INSR: variants seen among roughly 807,000 people sequenced by gnomAD.
INSR encodes the protein insulin receptor.
INSR carries 67 observed loss-of-function variants against 142.6 expected under a neutral mutation model. The ratio of observed to expected loss-of-function variants is 0.47; its 90% CI spans 0.39 to 0.58. The LOEUF is 0.58. Ranked by LOEUF, INSR falls within the 20% of genes least tolerant of loss-of-function variation. INSR has a pLI of 0.00. For synonymous variants in INSR, 756 were observed against 743.1 expected (o/e 1.02, Z -0.28); for missense variants, 1,248 against 1,833.2 (o/e 0.68, Z 5.83).
At chr19:7,227,896 C>G (rs1975839700) in intron 2 of INSR, among the ~76,000 whole-genome samples, 1 of 151,956 alleles carries the variant, frequency 6.6e-6, no homozygotes, top group Admixed American at 6.6e-5. Flanking sequence ...TCTTAACATA[C>G]CAGAAACAAG....
chr19:7,132,309 A>G lies in INSR; in HGVS notation c.2691T>C (p.His897=). Residue 897 remains histidine (H), a synonymous_variant, in exon 14 of 22, where the codon CAT becomes CAC. Coordinates refer to ENST00000302850, the MANE Select transcript of INSR (RefSeq NM_000208.4). ...SYRRYGDEEL[H]LCVSRKHFAL... ...CGAAGTGCTTGCGGGAGACGCAGAG[A>G]TGCAGCTCCTGGGAGGAAGAGAGGA... 6.2e-7 allele frequency: 1 copy of G among 1,614,014 alleles called. No individual in the cohort carries two copies. The highest frequency in any genetic ancestry group is 8.5e-7 in the Non-Finnish European group (1 of 1,179,990).
chr19:7,186,466 A>T (rs974397754), intron 2 of INSR, among the ~76,000 whole-genome samples: 1 of 150,028 alleles, frequency 6.7e-6, no homozygotes, highest in Admixed American at 6.7e-5. Context: ...AGGAAATCCA[A>T]TTTTTTTTTT....
At chr19:7,251,242 A>G (rs930140277) in intron 2 of INSR, among the ~76,000 whole-genome samples, 1 of 151,942 alleles carries the variant, frequency 6.6e-6, no homozygotes, top group Non-Finnish European at 1.5e-5. Context: ...AGACCCAAAC[A>G]AACACATCAA....
intron 2 of INSR, among the ~76,000 whole-genome samples, chr19:7,242,601 G>A (rs1386875879): frequency 6.6e-6 from 1 of 151,582 alleles, no homozygotes; most frequent in African/African-American, 2.4e-5. Flanking sequence ...AGCCAGGTGT[G>A]GTGTGGGCGC....
intron 2 of INSR, among the ~76,000 whole-genome samples, chr19:7,259,123 T>TCC (rs1483586361): frequency 1.0e-5 from 1 of 97,282 alleles, no homozygotes; most frequent in Non-Finnish European, 2.2e-5. Flanking sequence ...TTTCTTTCCT[T>TCC]TTATTTCTTC....
chr19:7,250,521 AAGGGAGAGGG>A (rs1976690975), intron 2 of INSR, among the ~76,000 whole-genome samples: 1 of 135,772 alleles, frequency 7.4e-6, no homozygotes, highest in South Asian at 2.5e-4. Context: ...TAAAGGGAGG[AAGGGAGAGGG>A]AGGGAGAGAA....
At position 7,240,585 on chromosome 19, in the gene INSR, A is replaced by G. The variant is rs532648024; in HGVS notation, c.652+26760T>C. ...ACTCGTTGTCAAATACAAATAAATA[A>G]ATAAATAGATTTAAAGAACAACTGA... On this transcript the variant is annotated intron_variant, in intron 2 of 21. Transcript: ENST00000302850. 1.7e-3 allele frequency among the ~76,000 whole-genome samples: 254 copies of G among 152,314 alleles called. 1 individual carries two copies. Among genetic ancestry groups the G allele is most frequent in the African/African-American group, 5.5e-3 (229 of 41,566 alleles).
intron 2 of INSR, among the ~76,000 whole-genome samples, chr19:7,196,410 A>C (rs1341233508): frequency 6.6e-6 from 1 of 152,180 alleles, no homozygotes; most frequent in East Asian, 1.9e-4. Flanking sequence ...ATTGATCTAG[A>C]TATAATCTTG....
At chr19:7,224,725 G>C (rs944340563) in intron 2 of INSR, among the ~76,000 whole-genome samples, 4 of 152,248 alleles carry the variant, frequency 2.6e-5, no homozygotes, top group African/African-American at 9.6e-5. Context: ...ACAGCAAAGA[G>C]TGTTTGGATG....
At chr19:7,282,980 G>GTAATAATAA (rs56796695) in intron 1 of INSR, among the ~76,000 whole-genome samples, 498 of 146,406 alleles carry the variant, frequency 3.4e-3, no homozygotes, top group African/African-American at 7.7e-3. Flanking sequence ...CTCAAAAAAA[G>GTAATAATAA]TAATAATAAT....
intron 1 of INSR, among the ~76,000 whole-genome samples, chr19:7,290,920 A>C (rs1968475484): frequency 6.6e-6 from 1 of 151,808 alleles, no homozygotes; most frequent in Admixed American, 6.6e-5. Flanking sequence ...AAATACAAAA[A>C]ATAAGCCGGT....
intron 2 of INSR, among the ~76,000 whole-genome samples, chr19:7,241,887 G>A (rs1976358567): frequency 6.6e-6 from 1 of 152,094 alleles, no homozygotes; most frequent in South Asian, 2.1e-4. Flanking sequence ...AAACAAGCCA[G>A]GCACAGTGGC....
intron 2 of INSR, among the ~76,000 whole-genome samples, chr19:7,243,584 C>G (rs923039195): frequency 1.3e-5 from 2 of 152,082 alleles, no homozygotes; most frequent in African/African-American, 2.4e-5. Context: ...TGCTTCCCCC[C>G]AAAAGTTATG....
At chr19:7,209,964 G>A (rs1343050170) in intron 2 of INSR, among the ~76,000 whole-genome samples, 8 of 152,146 alleles carry the variant, frequency 5.3e-5, no homozygotes, top group Non-Finnish European at 1.2e-4. Flanking sequence ...ATGTCTATTG[G>A]TTGTGGGTTG....
chr19:7,118,691 G>T (rs1460777729), intron 21 of INSR, among the ~76,000 whole-genome samples: 2 of 151,306 alleles, frequency 1.3e-5, no homozygotes, highest in African/African-American at 4.9e-5. Flanking sequence ...AGCCAAGGTG[G>T]GTGGATCACG....
chr19:7,154,911 C>A lies in INSR; in HGVS notation c.2030-1984G>T, dbSNP rs140728576. On this transcript the variant is annotated intron_variant, in intron 9 of 21. Coordinates refer to ENST00000302850, the MANE Select transcript of INSR (RefSeq NM_000208.4). ...TGCACTCCAGCCTAGGCGACAACAG[C>A]GAGACTCTGTCTCAAAAAAAGGCAA... Among the ~76,000 whole-genome samples, 353 of 151,802 alleles carry A rather than the reference C, an allele frequency of 2.3e-3. 5 individuals are homozygous for A. In the East Asian group the frequency reaches 0.032, roughly 14 times the overall value.
chr19:7,154,606 A>G (rs1165871168), intron 9 of INSR, among the ~76,000 whole-genome samples: 1 of 147,662 alleles, frequency 6.8e-6, no homozygotes, highest in East Asian at 2.2e-4. Flanking sequence ...CCGGCCCACA[A>G]TTACTTTTGC....
At chr19:7,232,571 T>C (rs1976013708) in intron 2 of INSR, among the ~76,000 whole-genome samples, 1 of 152,164 alleles carries the variant, frequency 6.6e-6, no homozygotes, top group African/African-American at 2.4e-5. Flanking sequence ...CTCAGCACTT[T>C]GGGAGGCTGA....
In INSR at chr19:7,225,185, G is replaced by A. The variant is rs776015741; in HGVS notation, c.653-40548C>T. Among the ~76,000 whole-genome samples the A allele has an allele frequency of 6.6e-6, 1 of 152,094 alleles. No individual in the cohort carries two copies. Among genetic ancestry groups the A allele is most frequent in the Non-Finnish European group, 1.5e-5 (1 of 68,024 alleles). On this transcript the variant is annotated intron_variant, in intron 2 of 21. Transcript: ENST00000302850. The surrounding 1 kb of genome is among the most constrained non-coding windows in gnomAD (Gnocchi z 4.7). ...CCATTTTACAGAGGAGAAGACTGAG[G>A]CACAGAGAGGTTCAGTAACCTGCCC...
Sources: gnomAD v4.1 joint callset for allele counts (sites outside exome capture counted in the v4.1 genomes callset) on GRCh38, gnomAD v4.1.1 for gene constraint, Gnocchi (gnomAD v3.1) non-coding constraint, MANE v1.5 for transcripts, NCBI Gene and HGNC (gene_info 2026-07-23, HGNC 2026-07-21) for gene names.